The following SH3PXD2A variants were observed in gnomAD, a reference collection of about 807,000 sequenced individuals.
SH3PXD2A encodes SH3 and PX domain-containing protein 2A.
SH3PXD2A carries 32 observed loss-of-function variants against 115.2 expected under a neutral mutation model. The observed-to-expected ratio is 0.28, with a 90% CI of 0.21 to 0.37. SH3PXD2A has a LOEUF of 0.37. Among genes scored for constraint, SH3PXD2A ranks in the 10% least tolerant of loss-of-function variants. SH3PXD2A has a pLI of 1.00. For missense variants in SH3PXD2A, 1,328 were observed against 1,498.7 expected, an observed-to-expected ratio of 0.89 and a Z score of 1.88; for synonymous variants, 610 against 629.1, an observed-to-expected ratio of 0.97 and a Z score of 0.45.
intron 1 of SH3PXD2A, among the ~76,000 whole-genome samples, chr10:103,808,473 A>G (rs955874384): frequency 1.3e-5 from 2 of 151,018 alleles, no homozygotes; most frequent in East Asian, 3.9e-4. Context: ...CTGGTTTGTA[A>G]CTCCTGGCCT....
intron 6 of SH3PXD2A, among the ~76,000 whole-genome samples, chr10:103,692,150 C>A (rs1453651965): frequency 1.3e-5 from 2 of 152,212 alleles, no homozygotes; most frequent in East Asian, 1.9e-4. Context: ...CAGTCTGTCC[C>A]CGCCCCCACT....
At chr10:103,739,417 C>G (rs2038418654) in intron 3 of SH3PXD2A, among the ~76,000 whole-genome samples, 1 of 152,186 alleles carries the variant, frequency 6.6e-6, no homozygotes, top group Non-Finnish European at 1.5e-5. Context: ...GCAACGTTTT[C>G]TTTTCCCAGG....
chr10:103,680,590 A>C (rs2037595328), intron 6 of SH3PXD2A, among the ~76,000 whole-genome samples: 1 of 152,158 alleles, frequency 6.6e-6, no homozygotes, highest in East Asian at 1.9e-4. Flanking sequence ...TCTGTTTCTG[A>C]GCACAAGGAA....
intron 1 of SH3PXD2A, among the ~76,000 whole-genome samples, chr10:103,846,478 A>C (rs1842849663): frequency 1.3e-5 from 2 of 152,150 alleles, no homozygotes; most frequent in South Asian, 4.1e-4. Flanking sequence ...GGGCAGGTGA[A>C]CCTTGTTTAA....
rs887696118 is a variant in SH3PXD2A, at chr10:103,784,411, G to A, written c.153+16871C>T. ...TTCCACTCCTACACGCAGACCCAAG[G>A]CAGGAGGAAGGGAATGTAGCATTGA... On this transcript the variant is annotated intron_variant, in intron 2 of 14. Coordinates refer to ENST00000369774, the MANE Select transcript of SH3PXD2A (RefSeq NM_001394015.1). This position sits in a 1 kb window ranked among gnomAD's most constrained non-coding sequence, Gnocchi z 4.4. Among the ~76,000 whole-genome samples the A allele has an allele frequency of 5.3e-5, 8 of 152,180 alleles. No individual in the cohort carries two copies. Among genetic ancestry groups the A allele is most frequent in the Admixed American group, 6.5e-5 (1 of 15,274 alleles).
intron 2 of SH3PXD2A, among the ~76,000 whole-genome samples, chr10:103,779,262 T>A (rs2038909930): frequency 1.3e-5 from 2 of 152,166 alleles, no homozygotes; most frequent in Admixed American, 1.3e-4. Context: ...GAGACGGGGT[T>A]TCCTCATGTT....
chr10:103,662,111 T>A, intron 7 of SH3PXD2A: 8 of 282,166 alleles, frequency 2.8e-5, no homozygotes, highest in South Asian at 1.4e-4. Context: ...GCCCCGGCAG[T>A]TTGAGGGGCT....
At chr10:103,808,036 G>T (rs1449052097) in intron 1 of SH3PXD2A, among the ~76,000 whole-genome samples, 1 of 151,916 alleles carries the variant, frequency 6.6e-6, no homozygotes, top group Non-Finnish European at 1.5e-5. Context: ...GTTCTATCAT[G>T]GGGGGGTTGG....
chr10:103,739,853 T>TCTGGG (rs1321410222), intron 3 of SH3PXD2A, among the ~76,000 whole-genome samples: 1 of 152,204 alleles, frequency 6.6e-6, no homozygotes, highest in African/African-American at 2.4e-5. Flanking sequence ...TTCCTGCCAC[T>TCTGGG]CTGGGCTGGG....
At chr10:103,686,851 T>G (rs2037685237) in intron 6 of SH3PXD2A, among the ~76,000 whole-genome samples, 2 of 150,834 alleles carry the variant, frequency 1.3e-5, no homozygotes, top group Non-Finnish European at 2.9e-5. Context: ...GGGTTCAAGA[T>G]TCTCCCTGCC....
intron 4 of SH3PXD2A, 37 bp downstream of exon 4, chr10:103,735,695 C>A: frequency 9.5e-6 from 12 of 1,267,674 alleles, no homozygotes; most frequent in African/African-American, 1.5e-5. Flanking sequence ...CTGAAGCCCT[C>A]CCCGAGCCCC....
In SH3PXD2A at chr10:103,783,755, C is replaced by A. The variant is rs111460254; in HGVS notation, c.154-16586G>T. Among the ~76,000 whole-genome samples the A allele has an allele frequency of 3.0e-3, 453 of 152,376 alleles. 6 individuals carry two copies. The highest frequency in any genetic ancestry group is 0.01 in the African/African-American group (422 of 41,582). On this transcript the variant is annotated intron_variant, in intron 2 of 14. Transcript: ENST00000369774. Reference sequence around the variant, plus strand: ...TTAAGCCAAGGACTTCCCAGTGTTCCTTCACAGTGGGAAAAGGGGAGAACA... The same window carrying A: ...TTAAGCCAAGGACTTCCCAGTGTTCATTCACAGTGGGAAAAGGGGAGAACA...
chr10:103,625,623 T>C lies in SH3PXD2A; in HGVS notation c.718+1466A>G, dbSNP rs114334292. Among the ~76,000 whole-genome samples the C allele has an allele frequency of 5.2e-3, 794 of 152,344 alleles. 9 individuals are homozygous for C. The highest frequency in any genetic ancestry group is 0.018 in the African/African-American group (748 of 41,586). On this transcript the variant is annotated intron_variant, in intron 9 of 14. Transcript: ENST00000369774. Reference sequence around the variant, plus strand: ...ATGTGGAACTAGGGGCTGGGCACTGTGGCTCATGCCTGTAATCCCAGCACT... The same window carrying C: ...ATGTGGAACTAGGGGCTGGGCACTGCGGCTCATGCCTGTAATCCCAGCACT...
rs755348691 is a variant in SH3PXD2A at position 103,611,624 on chromosome 10, G to A, written c.1265C>T (p.Pro422Leu). Reference sequence around the variant, plus strand: ...TGGTGGAGGTCTTGTCCGTAGGTTCGGGGAGCCTAGAGGAAGAGACATGGC... The same window carrying A: ...TGGTGGAGGTCTTGTCCGTAGGTTCAGGGAGCCTAGAGGAAGAGACATGGC... ...IAPQRAQISS[P>L]NLRTRPPPRR... is the part of the protein sequence containing the mutation. The change falls in exon 13 of 15, where the codon CCG becomes CTG. Residue 422 changes from proline (P) to leucine (L), a missense_variant. Physicochemically the swap from Pro to Leu is moderately conservative, Grantham distance 98. Around this residue, in one of 5 missense-constraint regions of SH3PXD2A, gnomAD observed 509 missense variants for 628.3 expected, o/e 0.81. Transcript: ENST00000369774. The A allele has an allele frequency of 1.3e-5, 21 of 1,613,680 alleles. No homozygotes were observed. The highest frequency in any genetic ancestry group is 8.9e-5 in the East Asian group (4 of 44,890).
intron 6 of SH3PXD2A, among the ~76,000 whole-genome samples, chr10:103,671,431 A>G (rs1485769516): frequency 6.6e-6 from 1 of 152,172 alleles, no homozygotes; most frequent in Non-Finnish European, 1.5e-5. Flanking sequence ...GCCTTCCCGT[A>G]TCTCTCCGTA....
intron 10 of SH3PXD2A, among the ~76,000 whole-genome samples, chr10:103,621,123 G>A (rs1026203420): frequency 1.3e-5 from 2 of 152,172 alleles, no homozygotes; most frequent in Non-Finnish European, 2.9e-5. Context: ...GCGCACAGTC[G>A]TATCTGTGGC....
chr10:103,853,540 G>A (rs1842914852), intron 1 of SH3PXD2A, among the ~76,000 whole-genome samples: 1 of 152,222 alleles, frequency 6.6e-6, no homozygotes, highest in East Asian at 1.9e-4. Flanking sequence ...CAGGCTTTGA[G>A]CAAGACCGTC....
intron 1 of SH3PXD2A, among the ~76,000 whole-genome samples, chr10:103,846,276 T>C (rs1426151717): frequency 6.6e-6 from 1 of 152,214 alleles, no homozygotes; most frequent in Non-Finnish European, 1.5e-5. Flanking sequence ...GCCACTTAGA[T>C]ATCACTTCCT....
chr10:103,736,828 CT>C (rs1237057070), intron 3 of SH3PXD2A: 24 of 1,270,970 alleles, frequency 1.9e-5, no homozygotes, highest in Non-Finnish European at 2.4e-5. Context: ...TAATTTCCCC[CT>C]GGAGAAGGCA....
Sources: gnomAD v4.1 joint callset for allele counts (sites outside exome capture counted in the v4.1 genomes callset) on GRCh38, gnomAD v4.1.1 for gene constraint, gnomAD v4.1.1 regional missense constraint, Gnocchi (gnomAD v3.1) non-coding constraint, MANE v1.5 for transcripts, NCBI Gene and HGNC (gene_info 2026-07-23, HGNC 2026-07-21) for gene names.